LATS1: variants seen among roughly 807,000 people sequenced by gnomAD.
The protein encoded by LATS1 is serine/threonine-protein kinase LATS1.
Under a neutral mutation model 106.6 loss-of-function variants are expected in LATS1, and 25 were observed. That is an observed-to-expected ratio of 0.23 (90% CI 0.17 to 0.33). LATS1 has a LOEUF of 0.33. LATS1 is among the 10% of genes least tolerant of loss of function. LATS1 has a pLI of 1.00. For synonymous variants in LATS1, 465 were observed against 455.6 expected (o/e 1.02, Z -0.26); for missense variants, 1,040 against 1,382.6 (o/e 0.75, Z 3.93).
At chr6:149,662,262 G>T in intron 7 of LATS1, 24 bp from the exon 8 acceptor site, 1 of 1,523,946 alleles carries the variant, frequency 6.6e-7, no homozygotes. Flanking sequence ...TTAAAATTAG[G>T]GGGAAGAGAT....
intron 7 of LATS1, among the ~76,000 whole-genome samples, chr6:149,668,867 C>G (rs1399747046): frequency 6.6e-6 from 1 of 151,824 alleles, no homozygotes; most frequent in Non-Finnish European, 1.5e-5. Flanking sequence ...GTGGTACACT[C>G]TTAGCTCTTA....
intron 3 of LATS1, among the ~76,000 whole-genome samples, chr6:149,687,905 G>A (rs192612950): frequency 0.014 from 1,811 of 130,840 alleles, 18 homozygotes; most frequent in Admixed American, 0.062. Context: ...GCGGAGTCTC[G>A]CTCTGTCGCC....
In LATS1 at chr6:149,660,490, GA is replaced by G. The variant is rs1582829619; in HGVS notation, c.*1238del. 4.3e-5 allele frequency: 10 copies of G among 233,020 alleles called. No individual in the cohort carries two copies. In the East Asian group the frequency reaches 6.1e-4, roughly 14 times the overall value. The allele number at this position is 233,020 out of a possible 1,614,324, so 14.4% of individuals were successfully genotyped here. ...ACAATCCCTTATCAGTGGAGCTTAA[GA>G]AAAGGAAATAAAACACAACACAAAT... is the stretch of plus-strand genomic sequence containing the variant. On this transcript the variant is annotated 3_prime_UTR_variant, in exon 8 of 8. Transcript: ENST00000543571.
At chr6:149,685,474 C>T (rs541640300) in intron 3 of LATS1, among the ~76,000 whole-genome samples, 2 of 152,152 alleles carry the variant, frequency 1.3e-5, no homozygotes, top group East Asian at 3.9e-4. Context: ...CAACCTCCGT[C>T]TCCCGGGTTC....
intron 1 of LATS1, among the ~76,000 whole-genome samples, chr6:149,706,867 T>C (rs1783800470): frequency 6.6e-6 from 1 of 152,128 alleles, no homozygotes; most frequent in Admixed American, 6.6e-5. Flanking sequence ...AGAGGATAAA[T>C]TTATGTTGTT....
chr6:149,682,358 CTAAAAG>C (rs1482249202), intron 4 of LATS1, among the ~76,000 whole-genome samples: 1 of 151,442 alleles, frequency 6.6e-6, no homozygotes, highest in Non-Finnish European at 1.5e-5. Context: ...TCCAAATTTT[CTAAAAG>C]TAAATGTTTT....
chr6:149,701,974 C>G lies in LATS1; in HGVS notation c.153G>C (p.Glu51Asp), dbSNP rs1198098484. 6.2e-7 allele frequency: 1 copy of G among 1,614,172 alleles called. No individual in the cohort carries two copies. The highest frequency in any genetic ancestry group is 1.1e-5 in the South Asian group (1 of 91,082). Residue 51 changes from glutamate to aspartate, a missense_variant, in exon 2 of 8, where the codon GAG (glutamate) becomes GAC (aspartate). This residue lies in a region of LATS1 where 624 missense variants were observed against 714.8 expected (regional missense o/e 0.87). Coordinates refer to ENST00000543571, the MANE Select transcript of LATS1 (RefSeq NM_004690.4). ...CGGTTGACATTTTACTCATGTTATG[C>G]TCAGCCTTAGCAGCATCAGATGGTT... is the stretch of plus-strand genomic sequence containing the variant. Reference protein sequence around the residue: ...LSKPSDAAKAEHNMSKMSTED... With the variant: ...LSKPSDAAKADHNMSKMSTED...
intron 4 of LATS1, among the ~76,000 whole-genome samples, chr6:149,682,467 A>G (rs975493059): frequency 1.4e-5 from 2 of 145,232 alleles, no homozygotes; most frequent in African/African-American, 5.2e-5. Flanking sequence ...ACTGGAGTGC[A>G]GTGGCGCGAT....
At position 149,660,437 on chromosome 6, in the gene LATS1, A is replaced by G. The variant is rs1468505767; in HGVS notation, c.*1292T>C. 4.3e-6 allele frequency: 1 copy of G among 233,046 alleles called. No homozygotes were observed. Among genetic ancestry groups the G allele is most frequent in the African/African-American group, 2.2e-5 (1 of 45,356 alleles). 14.4% of individuals were successfully genotyped at this position (233,046 alleles called of 1,614,324 possible). A position where few individuals can be genotyped will look rare whatever the true frequency, so the allele number is the denominator to read the frequency against. On this transcript the variant is annotated 3_prime_UTR_variant, in exon 8 of 8. Transcript: ENST00000543571. ...TGAAAATCACTAAAATTATGCCTCC[A>G]ATCTACAAATAGTAACTTTTGATAA...
At chr6:149,704,759 G>A (rs545128374) in intron 1 of LATS1, among the ~76,000 whole-genome samples, 2 of 152,068 alleles carry the variant, frequency 1.3e-5, no homozygotes, top group South Asian at 2.1e-4. Context: ...AAAGTGGTGG[G>A]ATTATAGGCA....
chr6:149,676,727 T>A lies in LATS1; in HGVS notation c.2604A>T (p.Pro868=). 1 of 1,611,862 alleles carries A rather than the reference T, an allele frequency of 6.2e-7. No individual in the cohort carries two copies. ...DSKYYQSGDH[P]RQDSMDFSNE... ...TACTGAAATCCATGCTATCTTGCCG[T>A]GGATGGTCACCTGCACAACAAAAGA... The change falls in exon 6 of 8, where the codon CCA becomes CCT. Residue 868 remains proline, a synonymous_variant. Coordinates refer to ENST00000543571, the MANE Select transcript of LATS1 (RefSeq NM_004690.4).
chr6:149,699,625 TC>T (rs1198283786), intron 2 of LATS1, among the ~76,000 whole-genome samples: 2 of 152,198 alleles, frequency 1.3e-5, no homozygotes, highest in Admixed American at 6.5e-5. Flanking sequence ...TAGTAGCACT[TC>T]AATGAAAAAA....
In LATS1 at chr6:149,684,563, G is replaced by C; in HGVS notation, c.526C>G (p.Gln176Glu). The change falls in exon 4 of 8, where the codon CAG becomes GAG. Residue 176 changes from glutamine (Q) to glutamate (E), a missense_variant. Physicochemically the swap from Gln to Glu is conservative, Grantham distance 29. This residue lies in a region of LATS1 where 624 missense variants were observed against 714.8 expected (regional missense o/e 0.87). Transcript: ENST00000543571. ...GATTCTTTAGAACCTTTCCAGCTCTGTTTGCGGTTAACTGATTGCTGCACA... is the reference window on the plus strand; with the variant it reads ...GATTCTTTAGAACCTTTCCAGCTCTCTTTGCGGTTAACTGATTGCTGCACA... ...GNVQQSVNRK[Q>E]SWKGSKESLV... The C allele has an allele frequency of 1.9e-6, 3 of 1,605,056 alleles. No homozygotes were observed. Among genetic ancestry groups the C allele is most frequent in the Non-Finnish European group, 2.6e-6 (3 of 1,173,562 alleles).
intron 1 of LATS1, among the ~76,000 whole-genome samples, chr6:149,715,384 T>C (rs369891835): frequency 1.3e-5 from 2 of 152,192 alleles, no homozygotes; most frequent in African/African-American, 4.8e-5. Flanking sequence ...CTATTACTTA[T>C]AAATCCCTGA....
At chr6:149,713,516 G>A (rs1195472172) in intron 1 of LATS1, among the ~76,000 whole-genome samples, 1 of 151,888 alleles carries the variant, frequency 6.6e-6, no homozygotes, top group East Asian at 1.9e-4. Flanking sequence ...GGCTGGTCTC[G>A]AATGCCTGAC....
chr6:149,677,107 T>G (rs1320719512), intron 5 of LATS1, among the ~76,000 whole-genome samples: 7 of 151,802 alleles, frequency 4.6e-5, no homozygotes, highest in Non-Finnish European at 7.4e-5. Flanking sequence ...ACAGTGATAA[T>G]AAGACAAAGC....
chr6:149,709,390 T>G (rs1164810341), intron 1 of LATS1, among the ~76,000 whole-genome samples: 1 of 152,228 alleles, frequency 6.6e-6, no homozygotes, highest in Non-Finnish European at 1.5e-5. Context: ...TTATGTTTCT[T>G]TGCCATATCT....
At chr6:149,670,597 C>G (rs1037219947) in intron 7 of LATS1, among the ~76,000 whole-genome samples, 3 of 151,992 alleles carry the variant, frequency 2.0e-5, no homozygotes, top group African/African-American at 4.8e-5. Flanking sequence ...GCAGTAAGAA[C>G]TCTGCCCTCC....
intron 5 of LATS1, among the ~76,000 whole-genome samples, chr6:149,677,002 A>G (rs1470195300): frequency 6.6e-6 from 1 of 152,242 alleles, no homozygotes; most frequent in African/African-American, 2.4e-5. Context: ...AATATGAGTC[A>G]TGGGGAGATT....
Sources: gnomAD v4.1 joint callset for allele counts (sites outside exome capture counted in the v4.1 genomes callset) on GRCh38, gnomAD v4.1.1 for gene constraint, gnomAD v4.1.1 regional missense constraint, MANE v1.5 for transcripts, NCBI Gene and HGNC (gene_info 2026-07-23, HGNC 2026-07-21) for gene names.